The following DNAH3 variants were observed in gnomAD, a reference collection of about 807,000 sequenced individuals.
DNAH3 encodes the protein axonemal beta dynein heavy chain 3.
In DNAH3, 332 loss-of-function variants were observed where a neutral mutation model predicts 432.5. The ratio of observed to expected loss-of-function variants is 0.77; its 90% confidence interval spans 0.70 to 0.84. DNAH3 has a LOEUF of 0.84. DNAH3 is among the 40% of genes least tolerant of loss of function. The probability of loss-of-function intolerance (pLI) is 0.00; values close to 1 mark genes in which losing one functional copy is unlikely to be tolerated. For synonymous variants in DNAH3, 1,956 were observed against 1,900.2 expected (o/e 1.03, Z -0.76); for missense variants, 4,861 against 5,114.0 (o/e 0.95, Z 1.51).
At chr16:21,096,952 A>G (rs1403787615) in intron 18 of DNAH3, among the ~76,000 whole-genome samples, 1 of 152,188 alleles carries the variant, frequency 6.6e-6, no homozygotes, top group Non-Finnish European at 1.5e-5. Flanking sequence ...TATCGGATCA[A>G]TCATTAAGTC....
At chr16:21,080,201 G>A (rs955448237) in intron 20 of DNAH3, among the ~76,000 whole-genome samples, 3 of 152,208 alleles carry the variant, frequency 2.0e-5, no homozygotes, top group Non-Finnish European at 4.4e-5. Context: ...GGAAGCTGAG[G>A]CAGGAGAATC....
chr16:20,961,991 T>C (rs1192828394), intron 53 of DNAH3, among the ~76,000 whole-genome samples: 2 of 151,582 alleles, frequency 1.3e-5, no homozygotes, highest in African/African-American at 4.8e-5. Context: ...TGAAACTCCA[T>C]CTCTACTAAA....
rs115816729 is a variant in DNAH3, at chr16:21,125,299, T to A, written c.1280A>T (p.Asn427Ile). 9.8e-4 allele frequency: 1,589 copies of A among 1,613,670 alleles called. 10 individuals carry two copies. In the African/African-American group the frequency reaches 0.019, roughly 19 times the overall value. ...CTCAATGTTTCGACTTGAGTCATAG[T>A]TGCTCTTGGGAGCAAAATGAATCCA... Residue 427 changes from asparagine (N) to isoleucine (I), a missense_variant, in exon 9 of 62, where the codon AAC becomes ATC. Asn to Ile is a moderately radical substitution (Grantham distance 149). Coordinates refer to ENST00000261383, the Ensembl canonical transcript of DNAH3.
intron 5 of DNAH3, 190 bp downstream of exon 6, chr16:21,140,346 C>T (rs1163694569): frequency 5.5e-6 from 3 of 544,452 alleles, no homozygotes; most frequent in Non-Finnish European, 6.5e-6. Flanking sequence ...TACACACACT[C>T]TCTCTCCTTC....
At chr16:21,026,572 G>A (rs1014260659) in intron 38 of DNAH3, among the ~76,000 whole-genome samples, 11 of 151,706 alleles carry the variant, frequency 7.3e-5, no homozygotes, top group Admixed American at 7.2e-4. Flanking sequence ...GTGGTGGCGT[G>A]TGCTTGTAGT....
At chr16:20,984,685 C>T (rs1172665124) in intron 48 of DNAH3, among the ~76,000 whole-genome samples, 1 of 152,044 alleles carries the variant, frequency 6.6e-6, no homozygotes, top group African/African-American at 2.4e-5. Flanking sequence ...GCCTGGCCAA[C>T]ATGGTGAAAC....
At chr16:21,134,385 G>A in exon 7 of DNAH3, 2 of 1,614,204 alleles carry the variant, frequency 1.2e-6, no homozygotes, top group Non-Finnish European at 1.7e-6. Flanking sequence ...CACTCTTTGA[G>A]GAAACAAGCG....
At chr16:20,950,424 C>T (rs1459105504) in intron 56 of DNAH3, among the ~76,000 whole-genome samples, 1 of 152,196 alleles carries the variant, frequency 6.6e-6, no homozygotes, top group African/African-American at 2.4e-5. Flanking sequence ...GCCAGTAGCA[C>T]GCACTATGAC....
intron 24 of DNAH3, 82 bp from the exon 25 acceptor site, chr16:21,062,765 T>C: frequency 9.1e-7 from 1 of 1,096,194 alleles, no homozygotes; most frequent in Non-Finnish European, 1.3e-6. Flanking sequence ...TGACAGGTAG[T>C]CCGCACCTAC....
At chr16:21,083,090 C>T (rs1032118297) in intron 19 of DNAH3, among the ~76,000 whole-genome samples, 2 of 151,242 alleles carry the variant, frequency 1.3e-5, no homozygotes, top group African/African-American at 4.9e-5. Flanking sequence ...AATCTCGGCT[C>T]ACTGCAACCT....
intron 18 of DNAH3, among the ~76,000 whole-genome samples, chr16:21,089,156 A>G (rs1207674418): frequency 6.6e-6 from 1 of 152,210 alleles, no homozygotes; most frequent in Non-Finnish European, 1.5e-5. Flanking sequence ...TCAGGTCTGG[A>G]GCGAGGGCTC....
At chr16:21,021,294 G>GT (rs1484552998) in intron 40 of DNAH3, among the ~76,000 whole-genome samples, 3 of 151,980 alleles carry the variant, frequency 2.0e-5, no homozygotes, top group East Asian at 3.9e-4. Context: ...TTACTTTTTT[G>GT]TTTTTTTGGA....
intron 56 of DNAH3, among the ~76,000 whole-genome samples, chr16:20,949,207 C>T (rs758535594): frequency 3.4e-5 from 5 of 145,394 alleles, no homozygotes; most frequent in African/African-American, 5.1e-5. Flanking sequence ...CTGTCTGGAC[C>T]GCAGAGCTAC....
chr16:21,039,315 T>C (rs1240030681), intron 33 of DNAH3, among the ~76,000 whole-genome samples: 1 of 147,126 alleles, frequency 6.8e-6, no homozygotes, highest in Non-Finnish European at 1.5e-5. Flanking sequence ...GCCTCCACGG[T>C]TCAAGTGGTT....
In DNAH3 at chr16:21,098,784, A is replaced by T; in HGVS notation, c.2367-15T>A. 1.9e-6 allele frequency: 3 copies of T among 1,606,652 alleles called. No individual in the cohort carries two copies. The South Asian group carries it at 3.3e-5, about 18-fold the overall frequency. ...ATTCTGAGCATCTGAAAATAAAGAC[A>T]GCCTGGTTACCTTTGGACTTTGCAT... On this transcript the variant is annotated splice_polypyrimidine_tract_variant and intron_variant, in intron 16 of 61. Coordinates refer to ENST00000261383, the Ensembl canonical transcript of DNAH3.
At chr16:21,119,299 C>T (rs2092281105) in intron 11 of DNAH3, among the ~76,000 whole-genome samples, 2 of 152,144 alleles carry the variant, frequency 1.3e-5, no homozygotes, top group African/African-American at 4.8e-5. Context: ...GGTGGATTCT[C>T]TTATGCCCTG....
intron 3 of DNAH3, among the ~76,000 whole-genome samples, chr16:21,144,963 C>T (rs1395339387): frequency 3.3e-5 from 5 of 150,224 alleles, no homozygotes; most frequent in African/African-American, 1.2e-4. Context: ...ACTAAAAATA[C>T]AAAAAAAAAT....
At chr16:21,060,185 T>C in intron 26 of DNAH3, 79 bp downstream of exon 26, 1 of 1,196,590 alleles carries the variant, frequency 8.4e-7, no homozygotes, top group Non-Finnish European at 1.2e-6. Flanking sequence ...CCAGCCAAAC[T>C]ACTGACACAT....
At chr16:21,145,189 G>A in exon 3 of DNAH3, 1 of 1,611,058 alleles carries the variant, frequency 6.2e-7, no homozygotes. Flanking sequence ...ACCTGATGAT[G>A]GCAGCCCCTG....
Sources: allele counts gnomAD v4.1 joint callset (sites outside exome capture counted in the v4.1 genomes callset), GRCh38; gene constraint gnomAD v4.1.1; transcripts MANE v1.5; gene names NCBI Gene and HGNC (gene_info 2026-07-23, HGNC 2026-07-21).